Variants in AP1S1 observed in about 807,000 individuals in gnomAD.
The protein encoded by AP1S1 is AP-1 complex subunit sigma-1A.
A neutral mutation model predicts 23.9 loss-of-function variants in AP1S1; 13 were observed. The observed-to-expected ratio is 0.54, with a 90% CI of 0.35 to 0.86. The LOEUF is 0.86. AP1S1 is among the 40% of genes least tolerant of loss of function. AP1S1 has a pLI of 0.01. For synonymous variants in AP1S1, 84 were observed against 77.7 expected, an observed-to-expected ratio of 1.08 and a Z score of -0.43; for missense variants, 119 against 197.6, an observed-to-expected ratio of 0.60 and a Z score of 2.38.
chr7:101,159,769 C>G (rs1797057804), intron 4 of AP1S1, among the ~76,000 whole-genome samples: 2 of 152,066 alleles, frequency 1.3e-5, no homozygotes, highest in South Asian at 2.1e-4. Context: ...TGCCTGCCCC[C>G]TCTCTGCTGT....
At chr7:101,159,385 G>A in intron 4 of AP1S1, 189 bp downstream of exon 4, 1 of 791,212 alleles carries the variant, frequency 1.3e-6, no homozygotes, top group Non-Finnish European at 1.9e-6. Context: ...TGGGAGGTAG[G>A]GTGGCAGATA....
chr7:101,157,905 TC>T (rs1238558910), intron 3 of AP1S1, among the ~76,000 whole-genome samples: 1 of 152,036 alleles, frequency 6.6e-6, no homozygotes, highest in Non-Finnish European at 1.5e-5. Flanking sequence ...CCTGCCTCAG[TC>T]CCCTGAGGAG....
chr7:101,159,419 C>T (rs1333399983), intron 4 of AP1S1: 1 of 574,912 alleles, frequency 1.7e-6, no homozygotes, highest in Non-Finnish European at 3.0e-6. Flanking sequence ...CCCCTCATTC[C>T]AAGCTCTGTC....
At chr7:101,157,095 CT>C (rs1380282073) in intron 2 of AP1S1, among the ~76,000 whole-genome samples, 1 of 152,188 alleles carries the variant, frequency 6.6e-6, no homozygotes, top group Non-Finnish European at 1.5e-5. Flanking sequence ...CACACACACC[CT>C]TTCCGGTTCC....
chr7:101,154,643 G>C, intron 1 of AP1S1, 126 bp downstream of exon 1: 4 of 1,292,376 alleles, frequency 3.1e-6, no homozygotes, highest in Non-Finnish European at 4.1e-6. Flanking sequence ...GGCCTCCCTT[G>C]CCTCGGCGGG....
intron 1 of AP1S1, chr7:101,156,340 T>C (rs1198730096): frequency 1.2e-5 from 5 of 430,286 alleles, no homozygotes; most frequent in Non-Finnish European, 2.1e-5. Context: ...GCAGGTACAA[T>C]GTCCATTTTA....
At chr7:101,158,726 A>C (rs1173728915) in intron 3 of AP1S1, among the ~76,000 whole-genome samples, 1 of 152,098 alleles carries the variant, frequency 6.6e-6, no homozygotes. Flanking sequence ...ACATGGCAAG[A>C]CCCTATCTCT....
In AP1S1 at chr7:101,156,738, CTGGAG is replaced by C. The variant is rs1315897924; in HGVS notation, c.154_158del (p.Trp52GlyfsTer7). 6.9e-6 allele frequency: 11 copies of C among 1,596,652 alleles called. No individual in the cohort carries two copies. Among genetic ancestry groups the C allele is most frequent in the Non-Finnish European group, 4.3e-6 (5 of 1,170,056 alleles). ...TCGAAAGCCCAAGATGTGCAGCTTC[CTGGAG>C]TGGAGGGACCTCAAAGTTGTCTATA... On this transcript the variant is annotated frameshift_variant, in exon 2 of 5. Transcript: ENST00000337619. LOFTEE classifies it high-confidence loss of function.
At chr7:101,157,087 C>G (rs1341311358) in intron 2 of AP1S1, among the ~76,000 whole-genome samples, 1 of 152,168 alleles carries the variant, frequency 6.6e-6, no homozygotes, top group African/African-American at 2.4e-5. Flanking sequence ...CACACGCACA[C>G]ACACACCCTT....
At chr7:101,158,167 A>G (rs922392856) in intron 3 of AP1S1, among the ~76,000 whole-genome samples, 1 of 152,088 alleles carries the variant, frequency 6.6e-6, no homozygotes, top group South Asian at 2.1e-4. Flanking sequence ...TTGAATGGCA[A>G]TGTCCAGGTT....
intron 3 of AP1S1, among the ~76,000 whole-genome samples, chr7:101,158,097 C>G (rs1283057489): frequency 6.6e-6 from 1 of 152,134 alleles, no homozygotes; most frequent in Admixed American, 6.5e-5. Context: ...GCCCCATATT[C>G]AGATTTTTAT....
intron 4 of AP1S1, among the ~76,000 whole-genome samples, chr7:101,159,982 G>GCACACACA (rs371717767): frequency 1.7e-5 from 1 of 59,784 alleles, no homozygotes; most frequent in Non-Finnish European, 5.0e-5. Flanking sequence ...ACACACCCTG[G>GCACACACA]CGCGCACACA....
chr7:101,157,992 G>A (rs1229610135), intron 3 of AP1S1, among the ~76,000 whole-genome samples: 1 of 151,978 alleles, frequency 6.6e-6, no homozygotes, highest in African/African-American at 2.4e-5. Flanking sequence ...GTCTTGCTAT[G>A]TTGCCCAGGC....
chr7:101,160,699 CTGTGG>C lies in AP1S1; in HGVS notation c.*134_*138del. On this transcript the variant is annotated 3_prime_UTR_variant, in exon 5 of 5. Transcript: ENST00000337619. ...CTGCTGCCTCACCTTTCGGAGTGAG[CTGTGG>C]GCTCAGGCCCTTCAAACATTCCCTC... 4.7e-6 allele frequency: 5 copies of C among 1,073,828 alleles called. No homozygotes were observed. The highest frequency in any genetic ancestry group is 5.6e-6 in the Non-Finnish European group (4 of 715,316). The allele number at this position is 1,073,828 out of a possible 1,614,324, so 66.5% of individuals were successfully genotyped here.
At chr7:101,158,954 G>C in intron 3 of AP1S1, 105 bp from the exon 4 acceptor site, 1 of 1,435,376 alleles carries the variant, frequency 7.0e-7, no homozygotes, top group Non-Finnish European at 9.5e-7. Flanking sequence ...AATGACTAAG[G>C]CTTGGAGGTT....
chr7:101,157,945 C>A (rs949105623), intron 3 of AP1S1, among the ~76,000 whole-genome samples: 21 of 152,048 alleles, frequency 1.4e-4, no homozygotes, highest in African/African-American at 5.1e-4. Context: ...ACCACTATGC[C>A]CAGCTAATTT....
rs77387752 is a variant in AP1S1, at chr7:101,156,689, C to T, written c.99C>T (p.Arg33=). 8,430 of 1,609,950 alleles carry T rather than the reference C, an allele frequency of 5.2e-3. 90 individuals carry two copies. Among genetic ancestry groups the T allele is most frequent in the East Asian group, 0.047 (2,113 of 44,744 alleles). Reference sequence around the variant, plus strand: ...ACAAGGAACGGAAGAAGATGGTGCGCGAGCTCATGCAGGTTGTCCTGGCTC... The same window carrying T: ...ACAAGGAACGGAAGAAGATGGTGCGTGAGCTCATGCAGGTTGTCCTGGCTC... ...TSDKERKKMV[R]ELMQVVLARK... Residue 33 remains arginine, a synonymous_variant, in exon 2 of 5, where the codon CGC becomes CGT. Coordinates refer to ENST00000337619, the MANE Select transcript of AP1S1 (RefSeq NM_001283.5).
At chr7:101,154,875 CG>C (rs1796966254) in intron 1 of AP1S1, 1 of 883,612 alleles carries the variant, frequency 1.1e-6, no homozygotes, top group Admixed American at 4.7e-5. Flanking sequence ...AGGGAGGGAG[CG>C]GGGGTCACCA....
At chr7:101,155,179 C>T (rs1796974308) in intron 1 of AP1S1, among the ~76,000 whole-genome samples, 1 of 152,002 alleles carries the variant, frequency 6.6e-6, no homozygotes, top group Admixed American at 6.6e-5. Context: ...TATTTGAGCG[C>T]CGCACGAGGC....
Sources: allele counts gnomAD v4.1 joint callset (sites outside exome capture counted in the v4.1 genomes callset), GRCh38; gene constraint gnomAD v4.1.1; transcripts MANE v1.5; gene names NCBI Gene and HGNC (gene_info 2026-07-23, HGNC 2026-07-21).